APLF: variants seen among roughly 807,000 people sequenced by gnomAD.
The protein encoded by APLF is aprataxin and PNK-like factor.
APLF carries 61 observed loss-of-function variants against 55.6 expected under a neutral mutation model. The observed-to-expected ratio is 1.10, with a 90% CI of 0.89 to 1.36. The LOEUF (loss-of-function observed/expected upper bound fraction) is 1.36. Ranked by LOEUF, APLF falls within the 40% of genes most tolerant of loss-of-function variation. The pLI is 0.00. For missense variants in APLF, 611 were observed against 602.5 expected (o/e 1.01, Z -0.15); for synonymous variants, 207 against 214.8 (o/e 0.96, Z 0.32).
At chr2:68,558,603 A>T (rs935582931) in intron 8 of APLF, among the ~76,000 whole-genome samples, 2 of 152,138 alleles carry the variant, frequency 1.3e-5, no homozygotes, top group Non-Finnish European at 1.5e-5. Flanking sequence ...CTGATCTAGG[A>T]GCTTATGTAA....
At position 68,578,198 on chromosome 2, in the gene APLF, T is replaced by A; in HGVS notation, c.*176T>A. ...AAACGTCAGCCTTCAGTATAATAGA[T>A]GGAATTTTTTGTTGCCTTGCCTTTT... On this transcript the variant is annotated 3_prime_UTR_variant, in exon 10 of 10. Transcript: ENST00000303795. The A allele has an allele frequency of 7.4e-7, 1 of 1,355,418 alleles. No homozygotes were observed. Among genetic ancestry groups the A allele is most frequent in the Non-Finnish European group, 9.5e-7 (1 of 1,054,154 alleles). The allele number at this position is 1,355,418 out of a possible 1,614,324, so 84.0% of individuals were successfully genotyped here.
chr2:68,506,946 A>G (rs1233775359), intron 3 of APLF, among the ~76,000 whole-genome samples: 1 of 152,020 alleles, frequency 6.6e-6, no homozygotes, highest in African/African-American at 2.4e-5. Context: ...ATGGATGCAT[A>G]TATACAAATA....
intron 1 of APLF, among the ~76,000 whole-genome samples, chr2:68,488,112 A>G (rs961443673): frequency 1.3e-5 from 2 of 152,144 alleles, no homozygotes; most frequent in African/African-American, 4.8e-5. Context: ...TTTAAGATGG[A>G]CTGTTAAAGG....
At chr2:68,513,041 A>G (rs1479584365) in intron 3 of APLF, 39 bp from the exon 4 acceptor site, 1 of 1,556,670 alleles carries the variant, frequency 6.4e-7, no homozygotes, top group African/African-American at 1.4e-5. Context: ...AAGTGTGTTA[A>G]ATTTAAAATT....
intron 1 of APLF, among the ~76,000 whole-genome samples, chr2:68,483,956 T>C (rs1279295429): frequency 6.6e-6 from 1 of 152,154 alleles, no homozygotes; most frequent in African/African-American, 2.4e-5. Context: ...AAAAATGAAA[T>C]GAAAGGTACC....
chr2:68,537,581 G>T (rs1035457774), intron 6 of APLF, among the ~76,000 whole-genome samples: 3 of 152,006 alleles, frequency 2.0e-5, no homozygotes, highest in African/African-American at 4.8e-5. Context: ...TGTTGGCCAG[G>T]CTGGTCTCAA....
intron 5 of APLF, among the ~76,000 whole-genome samples, chr2:68,516,984 A>G (rs1460912605): frequency 8.0e-6 from 1 of 124,808 alleles, no homozygotes; most frequent in African/African-American, 3.2e-5. Flanking sequence ...TAATATAATT[A>G]TATATAATAA....
chr2:68,510,524 A>G (rs1677017306), intron 3 of APLF, among the ~76,000 whole-genome samples: 1 of 151,856 alleles, frequency 6.6e-6, no homozygotes, highest in Non-Finnish European at 1.5e-5. Context: ...AAATATAATA[A>G]CAAGTGTTGG....
chr2:68,575,857 C>A (rs1410817769), intron 9 of APLF, among the ~76,000 whole-genome samples: 1 of 151,892 alleles, frequency 6.6e-6, no homozygotes, highest in East Asian at 1.9e-4. Flanking sequence ...GCTTAAGTAT[C>A]CAGATAAATG....
Position 68,494,277 on chromosome 2 carries a change from C to CAAAAAAAAAAAA in APLF, c.168+4030_168+4041dup, listed in dbSNP as rs59466460. On this transcript the variant is annotated intron_variant, in intron 2 of 9. Transcript: ENST00000303795. ...TAGGAGACAGAGTGAGACCCCGTCT[C>CAAAAAAAAAAAA]AAAAAAAAAAAAAAAAAAAAAAAAA... Among the ~76,000 whole-genome samples the CAAAAAAAAAAAA allele has an allele frequency of 5.3e-3, 260 of 48,948 alleles. 1 individual carries two copies. Among genetic ancestry groups the CAAAAAAAAAAAA allele is most frequent in the East Asian group, 6.9e-3 (9 of 1,302 alleles). 32.1% of individuals were successfully genotyped at this position (48,948 alleles called of 152,430 possible). A position where few individuals can be genotyped will look rare whatever the true frequency, so the allele number is the denominator to read the frequency against.
At chr2:68,561,664 T>C (rs1573266685) in intron 8 of APLF, among the ~76,000 whole-genome samples, 1 of 152,010 alleles carries the variant, frequency 6.6e-6, no homozygotes, top group African/African-American at 2.4e-5. Flanking sequence ...TAGTCTTGGG[T>C]TTGTGTAAGA....
rs908682543 is a variant in APLF at position 68,545,871 on chromosome 2, A to G, written c.1286+559A>G. The stretch of plus-strand genomic sequence containing the variant: ...ACAGGCAGCAAGTATCTTGACAGCA[A>G]GGACTCTCATCTTTGTATCTTGCAA... On this transcript the variant is annotated intron_variant, in intron 8 of 9. Coordinates refer to ENST00000303795, the MANE Select transcript of APLF (RefSeq NM_173545.3). Among the ~76,000 whole-genome samples the G allele has an allele frequency of 3.3e-5, 5 of 152,188 alleles. 1 individual carries two copies. Among genetic ancestry groups the G allele is most frequent in the Non-Finnish European group, 7.4e-5 (5 of 68,020 alleles).
intron 1 of APLF, among the ~76,000 whole-genome samples, chr2:68,472,928 T>C (rs753041314): frequency 6.6e-6 from 1 of 152,092 alleles, no homozygotes; most frequent in Admixed American, 6.6e-5. Context: ...TCCCATATAC[T>C]CTCTGCCCTC....
intron 6 of APLF, among the ~76,000 whole-genome samples, chr2:68,527,273 A>C (rs995488826): frequency 1.9e-5 from 2 of 103,266 alleles, no homozygotes; most frequent in Admixed American, 9.5e-5. Flanking sequence ...GGGCAGAGGC[A>C]CTCCTCACTT....
chr2:68,545,527 T>C (rs529149946), intron 8 of APLF, among the ~76,000 whole-genome samples: 1 of 152,338 alleles, frequency 6.6e-6, no homozygotes, highest in South Asian at 2.1e-4. Flanking sequence ...GCCTGAAATT[T>C]TTCCTTATTT....
chr2:68,496,145 A>G (rs1365868980), intron 2 of APLF, among the ~76,000 whole-genome samples: 1 of 152,116 alleles, frequency 6.6e-6, no homozygotes, highest in Admixed American at 6.5e-5. Flanking sequence ...TGTGTCACCC[A>G]AGCTGGAGTG....
intron 2 of APLF, 22 bp downstream of exon 2, chr2:68,490,283 C>G: frequency 2.5e-6 from 4 of 1,599,280 alleles, no homozygotes; most frequent in South Asian, 1.1e-5. Context: ...ATTAATGATT[C>G]ATTTTAACTT....
intron 3 of APLF, 147 bp downstream of exon 3, chr2:68,503,050 G>A: frequency 1.3e-6 from 1 of 750,682 alleles, no homozygotes; most frequent in East Asian, 3.1e-5. Flanking sequence ...GTGTGTGCAT[G>A]CCTTTGCATG....
Position 68,538,199 on chromosome 2 carries a change from T to A in APLF, c.1132T>A (p.Ser378Thr). ...GSEGNKVKRT[S>T]CMYGANCYRK... The stretch of plus-strand genomic sequence containing the variant: ...TGAAGGAAACAAGGTCAAGAGGACA[T>A]CCTGCATGTATGGGGCAAACTGCTA... Residue 378 changes from serine to threonine, a missense_variant, in exon 7 of 10, where the codon TCC becomes ACC. Ser to Thr is a moderately conservative substitution (Grantham distance 58). Coordinates refer to ENST00000303795, the MANE Select transcript of APLF (RefSeq NM_173545.3). The A allele has an allele frequency of 6.2e-7, 1 of 1,609,402 alleles. No homozygotes were observed. Among genetic ancestry groups the A allele is most frequent in the South Asian group, 1.1e-5 (1 of 89,964 alleles).
Sources: gnomAD v4.1 joint callset for allele counts (sites outside exome capture counted in the v4.1 genomes callset) on GRCh38, gnomAD v4.1.1 for gene constraint, MANE v1.5 for transcripts, NCBI Gene and HGNC (gene_info 2026-07-23, HGNC 2026-07-21) for gene names.